The following PDXDC1 variants were observed in gnomAD, a reference collection of about 807,000 sequenced individuals.
PDXDC1 encodes pyridoxal-dependent decarboxylase domain-containing protein 1.
A neutral mutation model predicts 100.1 loss-of-function variants in PDXDC1; 42 were observed. The ratio of observed to expected loss-of-function variants is 0.42; its 90% CI spans 0.33 to 0.54. PDXDC1 has a LOEUF of 0.54. PDXDC1 is among the 20% of genes least tolerant of loss of function. PDXDC1 has a pLI of 0.10. For synonymous variants in PDXDC1, 260 were observed against 371.7 expected (o/e 0.70, Z 3.46); for missense variants, 636 against 979.2 (o/e 0.65, Z 4.68).
At chr16:14,998,786 A>G (rs1190513938) in intron 3 of PDXDC1, among the ~76,000 whole-genome samples, 1 of 152,268 alleles carries the variant, frequency 6.6e-6, no homozygotes, top group Non-Finnish European at 1.5e-5. Context: ...TCTTATCATC[A>G]TTGATTTATG....
chr16:15,089,604 T>A (rs75793119), intron 16 of PDXDC1, among the ~76,000 whole-genome samples: 1 of 148,766 alleles, frequency 6.7e-6, no homozygotes, highest in Non-Finnish European at 1.5e-5. Context: ...ATCGAGACCA[T>A]CCTGGCTAAC....
intron 17 of PDXDC1, 84 bp from the exon 18 acceptor site, chr16:15,032,777 C>A: frequency 1.2e-6 from 1 of 824,982 alleles, no homozygotes; most frequent in Non-Finnish European, 2.1e-6. Context: ...CATTGTCTTG[C>A]TAATATTTAG....
intron 16 of PDXDC1, among the ~76,000 whole-genome samples, chr16:15,100,516 G>A (rs2046504720): frequency 1.3e-5 from 2 of 152,288 alleles, no homozygotes; most frequent in South Asian, 2.1e-4. Flanking sequence ...TCTCTGTTGG[G>A]TGGGGAGGAG....
intron 16 of PDXDC1, among the ~76,000 whole-genome samples, chr16:15,109,653 T>A (rs1253732122): frequency 2.0e-5 from 1 of 51,146 alleles, no homozygotes; most frequent in Admixed American, 3.5e-4. Flanking sequence ...TGAGACTCTG[T>A]CTCAAAAAAA....
At chr16:15,144,671 C>T in the PDXDC1 span, among the ~76,000 whole-genome samples, 8 of 152,280 alleles carry the variant, frequency 5.3e-5, no homozygotes, top group Non-Finnish European at 8.8e-5. Context: ...GATGAGACGC[C>T]GGGGGTGACA....
intron 16 of PDXDC1, chr16:15,126,673 T>TTTTG (rs2047747985): frequency 8.5e-6 from 1 of 117,410 alleles, no homozygotes; most frequent in Non-Finnish European, 1.9e-5. Context: ...TTTTTTTTTT[T>TTTTG]GGAGATGGAG....
chr16:15,040,045 T>G (rs868037820), downstream of PDXDC1: 14 of 1,608,854 alleles, frequency 8.7e-6, no homozygotes, highest in Admixed American at 1.7e-4. Flanking sequence ...TCTGTAAATC[T>G]CTGCAGTCTT....
intron 16 of PDXDC1, among the ~76,000 whole-genome samples, chr16:15,084,115 G>A (rs1205148543): frequency 1.3e-5 from 2 of 152,184 alleles, no homozygotes; most frequent in East Asian, 3.8e-4. Flanking sequence ...ATCAAAGAGG[G>A]AGCTTCTCTC....
intron 3 of PDXDC1, among the ~76,000 whole-genome samples, chr16:15,001,128 G>A (rs1198659877): frequency 6.6e-6 from 1 of 152,274 alleles, no homozygotes; most frequent in East Asian, 1.9e-4. Flanking sequence ...GCTGAGGCAG[G>A]AGGATTGCTT....
chr16:15,096,670 G>T (rs1263655027), intron 16 of PDXDC1, among the ~76,000 whole-genome samples: 2 of 152,228 alleles, frequency 1.3e-5, no homozygotes, highest in African/African-American at 4.8e-5. Context: ...ACAGCAATCT[G>T]ACAATTATCT....
intron 1 of PDXDC1, among the ~76,000 whole-genome samples, chr16:14,979,143 C>G (rs1967368464): frequency 6.6e-6 from 1 of 152,282 alleles, no homozygotes; most frequent in Non-Finnish European, 1.5e-5. Context: ...AAATTAAACA[C>G]AATTTAAAAT....
chr16:15,017,595 TATA>T (rs1167595118), intron 11 of PDXDC1, among the ~76,000 whole-genome samples, 173 bp downstream of exon 11: 2 of 152,414 alleles, frequency 1.3e-5, no homozygotes, highest in African/African-American at 2.4e-5. Context: ...TTTATGATTG[TATA>T]ATATTCTGTC....
intron 16 of PDXDC1, among the ~76,000 whole-genome samples, chr16:15,093,136 C>A (rs1301470998): frequency 6.6e-6 from 1 of 152,070 alleles, no homozygotes; most frequent in East Asian, 1.9e-4. Flanking sequence ...TCCTGAGTAG[C>A]TGGGATTACA....
chr16:15,087,457 G>A (rs984310482), intron 16 of PDXDC1, among the ~76,000 whole-genome samples: 7 of 152,156 alleles, frequency 4.6e-5, no homozygotes, highest in Admixed American at 4.6e-4. Context: ...GCTATCCTCT[G>A]TCCACCGTCC....
chr16:15,075,463 G>C (rs764660128), intron 16 of PDXDC1, among the ~76,000 whole-genome samples: 10 of 151,776 alleles, frequency 6.6e-5, no homozygotes, highest in African/African-American at 2.4e-4. Context: ...CCAGCTACTC[G>C]GGGAGGCTGA....
At chr16:15,005,065 A>G (rs1249076142) in intron 5 of PDXDC1, among the ~76,000 whole-genome samples, 4 of 152,286 alleles carry the variant, frequency 2.6e-5, no homozygotes, top group African/African-American at 9.6e-5. Context: ...TTTATTAGAA[A>G]GAAAACTCTG....
intron 16 of PDXDC1, chr16:15,060,270 C>T (rs1290684691): frequency 3.0e-6 from 1 of 328,308 alleles, no homozygotes; most frequent in African/African-American, 2.2e-5. Context: ...ATTTTGCCAG[C>T]AGTTAAAAAG....
rs2048213553 is a variant in PDXDC1 at position 15,133,657 on chromosome 16, C to G, written c.1400-5222C>G. On this transcript the variant is annotated intron_variant, in intron 16 of 16. Coordinates refer to the PDXDC1 transcript ENST00000535621. ...GGCCCTGGCGACAGCGCTGCAGCAG[C>G]AGGGCGTACACCAGCGGGGCGCCAG... is the stretch of plus-strand genomic sequence containing the variant. 4.7e-6 allele frequency: 7 copies of G among 1,500,624 alleles called. No homozygotes were observed. In the Admixed American group the frequency reaches 1.2e-4, roughly 25 times the overall value. The allele number at this position is 1,500,624 out of a possible 1,614,324, so 93.0% of individuals were successfully genotyped here. A position where few individuals can be genotyped will look rare whatever the true frequency, so the allele number is the denominator to read the frequency against.
rs2151429443 is a variant in PDXDC1, at chr16:15,009,386, G to A, written c.649-295G>A. On this transcript the variant is annotated intron_variant, in intron 7 of 22. Transcript: ENST00000396410. ...TAATAGTAGAGATACATTCTTGGCT[G>A]TTTTAGGAGAGTTAAGAGAACATTT... 3 of 522,148 alleles carry A rather than the reference G, an allele frequency of 5.7e-6. No homozygotes were observed. The East Asian group carries it at 1.3e-4, about 22-fold the overall frequency. The allele number at this position is 522,148 out of a possible 1,614,324, so 32.3% of individuals were successfully genotyped here. A position where few individuals can be genotyped will look rare whatever the true frequency, so the allele number is the denominator to read the frequency against.
Sources: gnomAD v4.1 joint callset for allele counts (sites outside exome capture counted in the v4.1 genomes callset) on GRCh38, gnomAD v4.1.1 for gene constraint, MANE v1.5 for transcripts, NCBI Gene and HGNC (gene_info 2026-07-23, HGNC 2026-07-21) for gene names.